The following FBXO10 variants were observed in gnomAD, a reference collection of about 807,000 sequenced individuals.
FBXO10 encodes F-box protein 10, also known as F-box only protein 10.
Under a neutral mutation model 80.7 loss-of-function variants are expected in FBXO10, and 39 were observed. The ratio of observed to expected loss-of-function variants is 0.48; its 90% CI spans 0.37 to 0.63. The LOEUF (loss-of-function observed/expected upper bound fraction) is 0.63. Among genes scored for constraint, FBXO10 ranks in the 30% least tolerant of loss-of-function variants. FBXO10 has a pLI of 0.00. For synonymous variants in FBXO10, 449 were observed against 489.6 expected, an observed-to-expected ratio of 0.92 and a Z score of 1.09; for missense variants, 1,025 against 1,269.0, an observed-to-expected ratio of 0.81 and a Z score of 2.92.
chr9:37,565,784 C>G (rs1822588975), intron 1 of FBXO10, among the ~76,000 whole-genome samples: 1 of 152,182 alleles, frequency 6.6e-6, no homozygotes, highest in African/African-American at 2.4e-5. Flanking sequence ...AACCACTAAG[C>G]CAAGCTTCAT....
intron 1 of FBXO10, among the ~76,000 whole-genome samples, chr9:37,564,100 A>C (rs1822548174): frequency 6.6e-6 from 1 of 152,256 alleles, no homozygotes; most frequent in Admixed American, 6.5e-5. Flanking sequence ...CAGCTGCTTC[A>C]GCTGCAGCAG....
At chr9:37,519,745 G>T (rs1821279772) in intron 8 of FBXO10, among the ~76,000 whole-genome samples, 1 of 152,230 alleles carries the variant, frequency 6.6e-6, no homozygotes. Context: ...GTGGGTTGGG[G>T]CTGCTGGTTA....
intron 9 of FBXO10, among the ~76,000 whole-genome samples, chr9:37,517,778 C>A (rs1390981551): frequency 6.6e-6 from 1 of 152,200 alleles, no homozygotes; most frequent in Non-Finnish European, 1.5e-5. Flanking sequence ...GTACAGCAGG[C>A]ACTGTGCATG....
At chr9:37,554,743 C>G (rs1588853040) in intron 1 of FBXO10, among the ~76,000 whole-genome samples, 1 of 152,230 alleles carries the variant, frequency 6.6e-6, no homozygotes, top group East Asian at 1.9e-4. Context: ...TTTTGAGATT[C>G]ATTCATTTCA....
intron 7 of FBXO10, chr9:37,522,045 G>A (rs749831861): frequency 4.1e-5 from 25 of 603,734 alleles, no homozygotes; most frequent in Admixed American, 3.6e-4. Context: ...TCACAAGCTC[G>A]GCTCGTTCCA....
In FBXO10 at chr9:37,517,835, C is replaced by T. The variant is rs145511421; in HGVS notation, c.2514+290G>A. Among the ~76,000 whole-genome samples the T allele has an allele frequency of 3.9e-5, 6 of 152,314 alleles. No homozygotes were observed. The East Asian group carries it at 7.7e-4, about 20-fold the overall frequency. Reference sequence around the variant, plus strand: ...AGCTGAAATAGTCCTGACCTTGACCCGGAGACCATGAAGATAACTCGGGAG... The same window carrying T: ...AGCTGAAATAGTCCTGACCTTGACCTGGAGACCATGAAGATAACTCGGGAG... On this transcript the variant is annotated intron_variant, in intron 9 of 10. Transcript: ENST00000432825.
rs369714730 is a variant in FBXO10 at position 37,549,038 on chromosome 9, G to A, written c.-6-7264C>T. On this transcript the variant is annotated intron_variant, in intron 1 of 10. Transcript: ENST00000432825. The stretch of plus-strand genomic sequence containing the variant: ...GCTGGGGTTATAGGTGTGAGCCACC[G>A]CACCTGGGGATCTTTCTAAAATACA... Among the ~76,000 whole-genome samples the A allele has an allele frequency of 3.9e-3, 589 of 152,208 alleles. 4 individuals carry two copies. Among genetic ancestry groups the A allele is most frequent in the African/African-American group, 0.013 (547 of 41,510 alleles).
intron 1 of FBXO10, among the ~76,000 whole-genome samples, chr9:37,573,768 T>A (rs1313390543): frequency 6.6e-6 from 1 of 152,204 alleles, no homozygotes; most frequent in Non-Finnish European, 1.5e-5. Context: ...GACACACATG[T>A]TAAACATCTA....
At position 37,525,097 on chromosome 9, in the gene FBXO10, C is replaced by T. The variant is rs372363303; in HGVS notation, c.1777+5G>A. The T allele has an allele frequency of 3.1e-5, 49 of 1,557,952 alleles. No individual in the cohort carries two copies. The East Asian group carries it at 5.1e-4, about 16-fold the overall frequency. On this transcript the variant is annotated splice_donor_5th_base_variant and intron_variant, in intron 6 of 10. Transcript: ENST00000432825. ...TGCCAGGTGCCAGGCAGTTCCCATC[C>T]GTACCTGTGATGAGGCCTTTGCCGT...
chr9:37,534,197 AAT>A, intron 3 of FBXO10, among the ~76,000 whole-genome samples: 1 of 152,224 alleles, frequency 6.6e-6, no homozygotes, highest in South Asian at 2.1e-4. Flanking sequence ...TACTACTAAT[AAT>A]ATATTGCATT....
At position 37,531,952 on chromosome 9, in the gene FBXO10, T is replaced by A; in HGVS notation, c.1526A>T (p.Glu509Val). 1.9e-6 allele frequency: 3 copies of A among 1,614,010 alleles called. No individual in the cohort carries two copies. Among genetic ancestry groups the A allele is most frequent in the Non-Finnish European group, 2.5e-6 (3 of 1,179,886 alleles). The change falls in exon 4 of 11, where the codon GAG becomes GTG. Residue 509 changes from glutamate to valine, a missense_variant. Glu to Val is a moderately radical substitution (Grantham distance 121). Transcript: ENST00000432825. The part of the protein sequence containing the change: ...IAGNNIYHNA[E>V]AGVDIRKKSN... Reference sequence around the variant, plus strand: ...CTTTTTCCGGATGTCTACACCAGCCTCTGCATTGTGGTAAATGTTGTTGCC... The same window carrying A: ...CTTTTTCCGGATGTCTACACCAGCCACTGCATTGTGGTAAATGTTGTTGCC...
At chr9:37,562,041 C>G (rs947428409) in intron 1 of FBXO10, among the ~76,000 whole-genome samples, 1 of 152,160 alleles carries the variant, frequency 6.6e-6, no homozygotes, top group Non-Finnish European at 1.5e-5. Context: ...GGAACAACCT[C>G]CCTCACAGCA....
At chr9:37,543,177 C>G (rs955609901) in intron 1 of FBXO10, among the ~76,000 whole-genome samples, 1 of 152,228 alleles carries the variant, frequency 6.6e-6, no homozygotes, top group Non-Finnish European at 1.5e-5. Context: ...CACCTATGGG[C>G]TGGCTGCCCA....
At position 37,537,164 on chromosome 9, in the gene FBXO10, T is replaced by G. The variant is rs369577487; in HGVS notation, c.1365A>C (p.Glu455Asp). The G allele has an allele frequency of 3.1e-6, 5 of 1,613,948 alleles. No homozygotes were observed. In the South Asian group the frequency reaches 5.5e-5, roughly 18 times the overall value. ...FVCSHGRAKM[E>D]GNIFRNLTYA... The stretch of plus-strand genomic sequence containing the variant: ...AAGTCAGGTTCCGGAAGATGTTTCC[T>G]TCCATCTTGGCTCTGCCGTGGGAGC... The change falls in exon 3 of 11, where the codon GAA becomes GAC. Residue 455 changes from glutamate (E) to aspartate (D), a missense_variant. This residue lies in a region of FBXO10 where 478 missense variants were observed against 667.8 expected (regional missense o/e 0.72). Transcript: ENST00000432825.
intron 5 of FBXO10, among the ~76,000 whole-genome samples, chr9:37,526,403 A>G (rs1022763615): frequency 2.0e-5 from 3 of 152,142 alleles, no homozygotes; most frequent in African/African-American, 4.8e-5. Flanking sequence ...AAAAAGCACA[A>G]CCTATTCTCT....
At chr9:37,541,812 A>G (rs1821927285) in intron 1 of FBXO10, 38 bp from the exon 2 acceptor site, 1 of 1,483,350 alleles carries the variant, frequency 6.7e-7, no homozygotes. Flanking sequence ...ATTTCTGTCT[A>G]TCCTACTTAC....
At chr9:37,528,983 CTG>C (rs1821545717) in intron 5 of FBXO10, 139 bp downstream of exon 5, 1 of 1,135,112 alleles carries the variant, frequency 8.8e-7, no homozygotes. Flanking sequence ...ACAAAAGCCG[CTG>C]TGTTACTGGG....
intron 1 of FBXO10, 109 bp from the exon 2 acceptor site, chr9:37,541,883 C>T: frequency 1.1e-6 from 1 of 921,550 alleles, no homozygotes; most frequent in Non-Finnish European, 1.6e-6. Flanking sequence ...GGCTGGAGTG[C>T]AGTGGTGCGA....
At chr9:37,550,180 T>TG (rs1822159447) in intron 1 of FBXO10, among the ~76,000 whole-genome samples, 1 of 78,042 alleles carries the variant, frequency 1.3e-5, no homozygotes, top group Admixed American at 1.2e-4. Context: ...TTTTTTTTTT[T>TG]TTTTTTTTTT....
Sources: allele counts gnomAD v4.1 joint callset (sites outside exome capture counted in the v4.1 genomes callset), GRCh38; gene constraint gnomAD v4.1.1; regional missense constraint gnomAD v4.1.1; transcripts MANE v1.5; gene names NCBI Gene and HGNC (gene_info 2026-07-23, HGNC 2026-07-21).